LRRC41: variants seen among roughly 807,000 people sequenced by gnomAD.
The protein encoded by LRRC41 is leucine rich repeat containing 41, also known as leucine-rich repeat-containing protein 41.
In LRRC41, 17 loss-of-function variants were observed where a neutral mutation model predicts 72.1. The ratio of observed to expected loss-of-function variants is 0.24; its 90% CI spans 0.16 to 0.35. LRRC41 has a LOEUF of 0.35. Among genes scored for constraint, LRRC41 ranks in the 10% least tolerant of loss-of-function variants. The pLI is 1.00. For missense variants in LRRC41, 759 were observed against 1,065.0 expected, an observed-to-expected ratio of 0.71 and a Z score of 4.00; for synonymous variants, 427 against 431.0, an observed-to-expected ratio of 0.99 and a Z score of 0.11.
chr1:46,285,144 C>T lies in LRRC41; in HGVS notation c.1495+218G>A. Reference sequence around the variant, plus strand: ...ATTCCAGCTGGCTTGTCTCACTGCCCCTCAGGAACCCCTGCTTTCAACAAC... The same window carrying T: ...ATTCCAGCTGGCTTGTCTCACTGCCTCTCAGGAACCCCTGCTTTCAACAAC... On this transcript the variant is annotated intron_variant, in intron 4 of 9. Transcript: ENST00000617190. The surrounding 1 kb of genome is among the most constrained non-coding windows in gnomAD (Gnocchi z 5.3). The T allele has an allele frequency of 1.7e-6, 1 of 585,070 alleles. No individual in the cohort carries two copies. 36.2% of individuals were successfully genotyped at this position (585,070 alleles called of 1,614,324 possible).
At position 46,302,998 on chromosome 1, in the gene LRRC41, C is replaced by T; in HGVS notation, c.199+126G>A. On this transcript the variant is annotated intron_variant, in intron 1 of 9. Transcript: ENST00000617190. The surrounding 1 kb of genome is among the most constrained non-coding windows in gnomAD (Gnocchi z 4.7). ...TCACAAAATTCATTCTCCGATCCTA[C>T]GAGCTGGCTTTCAGCGCCCCAGGCT... 2.3e-6 allele frequency: 3 copies of T among 1,314,174 alleles called. No homozygotes were observed. The highest frequency in any genetic ancestry group is 4.5e-5 in the South Asian group (2 of 44,726). 81.4% of individuals were successfully genotyped at this position (1,314,174 alleles called of 1,614,324 possible). A position where few individuals can be genotyped will look rare whatever the true frequency, so the allele number is the denominator to read the frequency against.
chr1:46,280,758 G>A (rs1219647515), intron 5 of LRRC41, among the ~76,000 whole-genome samples, 198 bp from the exon 6 acceptor site: 1 of 152,222 alleles, frequency 6.6e-6, no homozygotes, highest in African/African-American at 2.4e-5. Context: ...TGCCCTTGTA[G>A]AAATTTTAGA....
In LRRC41 at chr1:46,302,245, G is replaced by A. The variant is rs1661250247; in HGVS notation, c.199+879C>T. On this transcript the variant is annotated intron_variant, in intron 1 of 9. Coordinates refer to ENST00000617190, the MANE Select transcript of LRRC41 (RefSeq NM_006369.5). This position sits in a 1 kb window ranked among gnomAD's most constrained non-coding sequence, Gnocchi z 4.7. ...GCCGCGCCCCCTGCCACGGCAGCCC[G>A]GCAGTCCGGGATCCCCGGGCCGTCG... is the stretch of plus-strand genomic sequence containing the variant. The A allele has an allele frequency of 2.3e-5, 23 of 985,328 alleles. No homozygotes were observed. Among genetic ancestry groups the A allele is most frequent in the East Asian group, 1.1e-4 (1 of 8,788 alleles). The allele number at this position is 985,328 out of a possible 1,614,324, so 61.0% of individuals were successfully genotyped here. A position where few individuals can be genotyped will look rare whatever the true frequency, so the allele number is the denominator to read the frequency against.
rs775472301 is a variant in LRRC41, at chr1:46,278,885, C to T, written c.2419G>A (p.Asp807Asn). The T allele has an allele frequency of 1.9e-6, 3 of 1,611,118 alleles. No individual in the cohort carries two copies. The highest frequency in any genetic ancestry group is 4.5e-5 in the East Asian group (2 of 44,872). The change falls in exon 10 of 10, where the codon GAT becomes AAT. Residue 807 changes from aspartate (D) to asparagine (N), a missense_variant. This residue lies in a region of LRRC41 where 110 missense variants were observed against 227.0 expected (regional missense o/e 0.48). Coordinates refer to ENST00000617190, the MANE Select transcript of LRRC41 (RefSeq NM_006369.5). ...CCCCATCACATGGTGCTAACATAAT[C>T]TGCGAAGGCCTGGGATGAGTCCCAT... Reference protein sequence around the residue: ...DSWDSSQAFADYVSTM With the variant: ...DSWDSSQAFANYVSTM
intron 1 of LRRC41, chr1:46,299,928 C>T (rs751254865): frequency 6.6e-6 from 1 of 151,944 alleles, no homozygotes; most frequent in Admixed American, 6.5e-5. Flanking sequence ...GTAATTAACT[C>T]ATGACATTGT....
At chr1:46,287,169 C>T (rs762231035) in intron 3 of LRRC41, among the ~76,000 whole-genome samples, 4 of 150,348 alleles carry the variant, frequency 2.7e-5, no homozygotes, top group Non-Finnish European at 4.4e-5. Flanking sequence ...AGTCCAGTGG[C>T]GTGATCTCGG....
chr1:46,294,564 C>G (rs115727020), intron 3 of LRRC41, among the ~76,000 whole-genome samples: 161 of 146,638 alleles, frequency 1.1e-3, no homozygotes, highest in African/African-American at 3.9e-3. Context: ...GTACCCGACT[C>G]TTGTGCCTTT....
chr1:46,279,366 A>C lies in LRRC41; in HGVS notation c.2144-109T>G, dbSNP rs561733511. The C allele has an allele frequency of 3.6e-5, 57 of 1,582,336 alleles. No individual in the cohort carries two copies. In the African/African-American group the frequency reaches 6.2e-4, roughly 17 times the overall value. On this transcript the variant is annotated intron_variant, in intron 8 of 9. Coordinates refer to ENST00000617190, the MANE Select transcript of LRRC41 (RefSeq NM_006369.5). This position sits in a 1 kb window ranked among gnomAD's most constrained non-coding sequence, Gnocchi z 4.5. ...CAGCCCTGCTGGTTCCTGAAGCCCC[A>C]GCACAGAAATATCTGTATTCCAACT...
At chr1:46,294,989 T>A (rs1441311845) in intron 3 of LRRC41, among the ~76,000 whole-genome samples, 1 of 152,148 alleles carries the variant, frequency 6.6e-6, no homozygotes, top group African/African-American at 2.4e-5. Flanking sequence ...TAGAGAATAA[T>A]TTATTGGGTA....
Position 46,303,353 on chromosome 1 carries a change from G to C in LRRC41, c.-31C>G, listed in dbSNP as rs1469259825. ...GGAGGTGCGCGAGCCCGAGAGTGTC[G>C]CCCGCGGACCGCCATCTTGAAAAGG... is the stretch of plus-strand genomic sequence containing the variant. On this transcript the variant is annotated 5_prime_UTR_variant, in exon 1 of 10. Transcript: ENST00000617190. 6.8e-7 allele frequency: 1 copy of C among 1,472,650 alleles called. No individual in the cohort carries two copies. The highest frequency in any genetic ancestry group is 9.0e-7 in the Non-Finnish European group (1 of 1,113,894). The allele number at this position is 1,472,650 out of a possible 1,614,324, so 91.2% of individuals were successfully genotyped here. A position where few individuals can be genotyped will look rare whatever the true frequency, so the allele number is the denominator to read the frequency against.
intron 4 of LRRC41, among the ~76,000 whole-genome samples, chr1:46,283,361 A>G (rs1328959110): frequency 1.3e-5 from 2 of 152,202 alleles, no homozygotes; most frequent in African/African-American, 4.8e-5. Flanking sequence ...GCTCATGACT[A>G]TAATCTCAGC....
At position 46,285,207 on chromosome 1, in the gene LRRC41, CA is replaced by C; in HGVS notation, c.1495+154del. On this transcript the variant is annotated intron_variant, in intron 4 of 9. Coordinates refer to ENST00000617190, the MANE Select transcript of LRRC41 (RefSeq NM_006369.5). The surrounding 1 kb of genome is among the most constrained non-coding windows in gnomAD (Gnocchi z 5.3). ...TAGACTTTATGTTCCTCTCTTCTAGCAATGACAGTCTCCCCTGCTATGAGGC... is the reference window on the plus strand; with the variant it reads ...TAGACTTTATGTTCCTCTCTTCTAGCATGACAGTCTCCCCTGCTATGAGGC... 1 of 705,342 alleles carries C rather than the reference CA, an allele frequency of 1.4e-6. No individual in the cohort carries two copies. The highest frequency in any genetic ancestry group is 2.5e-6 in the Non-Finnish European group (1 of 406,496). The allele number at this position is 705,342 out of a possible 1,614,324, so 43.7% of individuals were successfully genotyped here.
chr1:46,285,641 G>A lies in LRRC41; in HGVS notation c.1216C>T (p.Pro406Ser). ...TACAGGTCTTCAGACTCTGCACCAG[G>A]CCCCTGACGGGTGCGAGCACCCTTC... ...GKKGARTRQG[P>S]GAESEDLYDF... The change falls in exon 4 of 10, where the codon CCT (proline) becomes TCT (serine). Residue 406 changes from proline to serine, a missense_variant. Transcript: ENST00000617190. This position sits in a 1 kb window ranked among gnomAD's most constrained non-coding sequence, Gnocchi z 5.3. 1.2e-6 allele frequency: 2 copies of A among 1,614,142 alleles called. No homozygotes were observed. The highest frequency in any genetic ancestry group is 1.7e-6 in the Non-Finnish European group (2 of 1,180,026).
chr1:46,296,156 T>C (rs1661121741), intron 3 of LRRC41, among the ~76,000 whole-genome samples: 1 of 152,252 alleles, frequency 6.6e-6, no homozygotes. Context: ...GGCTCACGCC[T>C]GTAATCCCAG....
At chr1:46,287,655 G>A (rs1433294499) in intron 3 of LRRC41, among the ~76,000 whole-genome samples, 1 of 152,168 alleles carries the variant, frequency 6.6e-6, no homozygotes, top group Non-Finnish European at 1.5e-5. Context: ...ACCTGCCTAT[G>A]TCCTTTCCTA....
intron 1 of LRRC41, chr1:46,299,021 ATTCTGAACTAGTACTT>A (rs1249599290): frequency 6.6e-6 from 1 of 152,266 alleles, no homozygotes; most frequent in African/African-American, 2.4e-5. Flanking sequence ...CTACTGCTAT[ATTCTGAACTAGTACTT>A]TCCTATGAAG....
Position 46,279,639 on chromosome 1 carries a change from T to G in LRRC41, c.2021-25A>C, listed in dbSNP as rs745928308. The G allele has an allele frequency of 8.1e-6, 13 of 1,613,884 alleles. No homozygotes were observed. The highest frequency in any genetic ancestry group is 4.5e-5 in the East Asian group (2 of 44,890). On this transcript the variant is annotated intron_variant, in intron 7 of 9. Coordinates refer to ENST00000617190, the MANE Select transcript of LRRC41 (RefSeq NM_006369.5). The surrounding 1 kb of genome is among the most constrained non-coding windows in gnomAD (Gnocchi z 4.5). ...TCTGTCAAGAAAAATTATAGTAAAT[T>G]CTGATGGCTGCATTAGGACTGGTGC...
In LRRC41 at chr1:46,291,691, C is replaced by T. The variant is rs112146555; in HGVS notation, c.358-5192G>A. On this transcript the variant is annotated intron_variant, in intron 3 of 9. Coordinates refer to ENST00000617190, the MANE Select transcript of LRRC41 (RefSeq NM_006369.5). ...TCTCCTGCCTCAGCCTCTTGAGTAG[C>T]TGGGACTACAGGCATGCGCCACCAC... is the stretch of plus-strand genomic sequence containing the variant. 6.6e-3 allele frequency among the ~76,000 whole-genome samples: 993 copies of T among 151,182 alleles called. 16 individuals are homozygous for T. The highest frequency in any genetic ancestry group is 0.023 in the African/African-American group (939 of 41,138).
rs1660697423 is a variant in LRRC41, at chr1:46,278,682, G to A, written c.*183C>T. On this transcript the variant is annotated 3_prime_UTR_variant, in exon 10 of 10. Coordinates refer to ENST00000617190, the MANE Select transcript of LRRC41 (RefSeq NM_006369.5). ...CCAAAGACTATAAACCCAGCTGTGA[G>A]AATGCCTGTTTGCTGGGCCTCATCA... is the stretch of plus-strand genomic sequence containing the variant. The A allele has an allele frequency of 3.1e-6, 2 of 640,214 alleles. No individual in the cohort carries two copies. The highest frequency in any genetic ancestry group is 5.4e-6 in the Non-Finnish European group (2 of 371,382). 39.7% of individuals were successfully genotyped at this position (640,214 alleles called of 1,614,324 possible). A position where few individuals can be genotyped will look rare whatever the true frequency, so the allele number is the denominator to read the frequency against.
Sources: allele counts gnomAD v4.1 joint callset (sites outside exome capture counted in the v4.1 genomes callset), GRCh38; gene constraint gnomAD v4.1.1; regional missense constraint gnomAD v4.1.1; non-coding constraint Gnocchi (gnomAD v3.1); transcripts MANE v1.5; gene names NCBI Gene and HGNC (gene_info 2026-07-23, HGNC 2026-07-21).